Variants in SMYD3 observed in about 807,000 individuals in gnomAD.
SMYD3 encodes the protein SET and MYND domain containing 3, also known as histone-lysine N-methyltransferase SMYD3.
A neutral mutation model predicts 57.7 loss-of-function variants in SMYD3; 36 were observed. The observed-to-expected ratio is 0.62, with a 90% CI of 0.48 to 0.82. The LOEUF is 0.82. SMYD3 is among the 40% of genes least tolerant of loss of function. The pLI, the probability that SMYD3 is intolerant of heterozygous loss-of-function variation, is 0.00. For missense variants in SMYD3, 515 were observed against 538.8 expected (o/e 0.96, Z 0.44); for synonymous variants, 211 against 195.0 (o/e 1.08, Z -0.68).
chr1:246,075,203 T>C (rs541741099), intron 5 of SMYD3, among the ~76,000 whole-genome samples: 10 of 152,066 alleles, frequency 6.6e-5, no homozygotes, highest in Non-Finnish European at 1.2e-4. Flanking sequence ...AAATAGGAAA[T>C]ATCAACAAAG....
chr1:246,071,631 G>A (rs1311472359), intron 5 of SMYD3, among the ~76,000 whole-genome samples: 1 of 152,182 alleles, frequency 6.6e-6, no homozygotes, highest in African/African-American at 2.4e-5. Flanking sequence ...AGGCCTGAGA[G>A]TAAAAATTAG....
chr1:245,761,487 C>T (rs1043125502), intron 11 of SMYD3, among the ~76,000 whole-genome samples: 1 of 152,126 alleles, frequency 6.6e-6, no homozygotes, highest in East Asian at 1.9e-4. Context: ...CAGGCTTGTC[C>T]TTATAGTTGA....
intron 5 of SMYD3, among the ~76,000 whole-genome samples, chr1:246,309,360 G>T (rs2065036998): frequency 6.6e-6 from 1 of 152,144 alleles, no homozygotes; most frequent in African/African-American, 2.4e-5. Flanking sequence ...TACTCCTCCA[G>T]CCAGACGAAG....
At chr1:246,413,006 G>A (rs191747680) in intron 1 of SMYD3, among the ~76,000 whole-genome samples, 6 of 152,262 alleles carry the variant, frequency 3.9e-5, no homozygotes, top group Admixed American at 2.6e-4. Flanking sequence ...AAGGCAGAGA[G>A]GTTAAACAGT....
chr1:245,915,532 T>G lies in SMYD3; in HGVS notation c.811A>C (p.Lys271Gln), dbSNP rs1373338617. 3 of 1,608,602 alleles carry G rather than the reference T, an allele frequency of 1.9e-6. No individual in the cohort carries two copies. The East Asian group carries it at 6.7e-5, about 36-fold the overall frequency. Residue 271 changes from lysine (K) to glutamine (Q), a missense_variant and splice_region_variant, in exon 8 of 12, where the codon AAG (lysine) becomes CAG (glutamine). Coordinates refer to ENST00000490107, the MANE Select transcript of SMYD3 (RefSeq NM_001167740.2). Reference sequence around the variant, plus strand: ...CAATCTGGTTCCATACTACATACCTTGTCCTGGGTTTGGCAACGGAAACAG... The same window carrying G: ...CAATCTGGTTCCATACTACATACCTGGTCCTGGGTTTGGCAACGGAAACAG... ...CDCFRCQTQD[K>Q]DADMLTGDEQ...
At chr1:246,255,225 C>T (rs1578246) in intron 5 of SMYD3, among the ~76,000 whole-genome samples, 31,410 of 151,518 alleles carry the variant, frequency 0.21, 3,948 homozygotes, top group East Asian at 0.58. Flanking sequence ...GGAGAATGCT[C>T]CCAGTTTTTG....
At chr1:245,751,907 C>G (rs2045397124) in intron 11 of SMYD3, among the ~76,000 whole-genome samples, 1 of 152,228 alleles carries the variant, frequency 6.6e-6, no homozygotes, top group Non-Finnish European at 1.5e-5. Context: ...CCAGCCCCCA[C>G]CTTGCAAGCA....
chr1:246,035,780 AAAT>A (rs1481929191), intron 5 of SMYD3, among the ~76,000 whole-genome samples: 2 of 152,228 alleles, frequency 1.3e-5, no homozygotes, highest in African/African-American at 4.8e-5. Context: ...CCCAGAAAAA[AAAT>A]AATAAAAGAG....
At chr1:246,417,964 G>A (rs751424676) in intron 1 of SMYD3, among the ~76,000 whole-genome samples, 1 of 152,096 alleles carries the variant, frequency 6.6e-6, no homozygotes, top group Non-Finnish European at 1.5e-5. Flanking sequence ...CAGCTTCTGG[G>A]GTCAGAAGCA....
chr1:246,314,643 C>CA (rs1223602561), intron 5 of SMYD3, among the ~76,000 whole-genome samples: 1 of 151,888 alleles, frequency 6.6e-6, no homozygotes, highest in Non-Finnish European at 1.5e-5. Context: ...AAGTATGGGC[C>CA]AAAAAATGGG....
intron 5 of SMYD3, among the ~76,000 whole-genome samples, chr1:245,942,444 T>C (rs1367636703): frequency 1.3e-5 from 2 of 152,286 alleles, no homozygotes; most frequent in Non-Finnish European, 2.9e-5. Flanking sequence ...CCTAACTATA[T>C]ATGCACCCAA....
At position 246,125,042 on chromosome 1, in the gene SMYD3, A is replaced by G. The variant is rs113558774; in HGVS notation, c.532-195105T>C. Among the ~76,000 whole-genome samples, 17 of 148,536 alleles carry G rather than the reference A, an allele frequency of 1.1e-4. No individual in the cohort carries two copies. In the East Asian group the frequency reaches 3.0e-3, roughly 26 times the overall value. On this transcript the variant is annotated intron_variant, in intron 5 of 11. Coordinates refer to ENST00000490107, the MANE Select transcript of SMYD3 (RefSeq NM_001167740.2). ...AGCCGAGATCGCGCCACTGCACTCC[A>G]GCCTGGGCGACAGAGCGAGACTCCG...
chr1:246,114,254 C>T (rs1245675123), intron 5 of SMYD3, among the ~76,000 whole-genome samples: 1 of 152,128 alleles, frequency 6.6e-6, no homozygotes, highest in Non-Finnish European at 1.5e-5. Flanking sequence ...TTTCATGATA[C>T]TGAACAAAGG....
chr1:246,084,319 G>A (rs991820807), intron 5 of SMYD3, among the ~76,000 whole-genome samples: 2 of 150,886 alleles, frequency 1.3e-5, no homozygotes, highest in African/African-American at 4.9e-5. Context: ...GGGCTCAAAC[G>A]ATCCTTCCAC....
chr1:246,398,270 G>C (rs2066708745), intron 1 of SMYD3, among the ~76,000 whole-genome samples: 1 of 152,224 alleles, frequency 6.6e-6, no homozygotes, highest in Non-Finnish European at 1.5e-5. Context: ...CAAGAAGGGA[G>C]TTAATTTGAG....
chr1:246,254,612 T>TA (rs1025931985), intron 5 of SMYD3, among the ~76,000 whole-genome samples: 1 of 152,224 alleles, frequency 6.6e-6, no homozygotes, highest in African/African-American at 2.4e-5. Flanking sequence ...TTGCTTTGGC[T>TA]ACTTGGACTC....
At chr1:246,148,287 C>G (rs1165262833) in intron 5 of SMYD3, among the ~76,000 whole-genome samples, 1 of 152,132 alleles carries the variant, frequency 6.6e-6, no homozygotes, top group African/African-American at 2.4e-5. Flanking sequence ...AGGAGCTGCC[C>G]TCTGCTGAGA....
At chr1:246,186,741 A>ACAATAATCCCAC in intron 5 of SMYD3, 2 of 985,312 alleles carry the variant, frequency 2.0e-6, no homozygotes, top group Non-Finnish European at 2.4e-6. Flanking sequence ...CTGAATACTT[A>ACAATAATCCCAC]CAATAATCCC....
At chr1:246,455,023 T>G (rs973173357) in intron 1 of SMYD3, among the ~76,000 whole-genome samples, 3 of 152,226 alleles carry the variant, frequency 2.0e-5, no homozygotes, top group African/African-American at 7.2e-5. Context: ...TAATTCACAT[T>G]AATTCAGCAA....
Sources: allele counts gnomAD v4.1 joint callset (sites outside exome capture counted in the v4.1 genomes callset), GRCh38; gene constraint gnomAD v4.1.1; transcripts MANE v1.5; gene names NCBI Gene and HGNC (gene_info 2026-07-23, HGNC 2026-07-21).